CA5A: variants seen among roughly 807,000 people sequenced by gnomAD.
CA5A encodes the protein carbonic anhydrase 5A.
Under a neutral mutation model 37.1 loss-of-function variants are expected in CA5A, and 28 were observed. The observed-to-expected ratio is 0.75, with a 90% CI of 0.56 to 1.03. CA5A has a LOEUF of 1.03. CA5A is among the 50% of genes least tolerant of loss of function. The pLI is 0.00. For synonymous variants in CA5A, 171 were observed against 158.4 expected (o/e 1.08, Z -0.60); for missense variants, 444 against 399.9 (o/e 1.11, Z -0.94).
chr16:87,910,204 C>T (rs1286955710), intron 2 of CA5A, among the ~76,000 whole-genome samples: 4 of 152,208 alleles, frequency 2.6e-5, no homozygotes, highest in Non-Finnish European at 4.4e-5. Flanking sequence ...CCGGGCACCA[C>T]GCATCCTGTC....
chr16:87,901,405 A>T (rs535124708), intron 5 of CA5A, among the ~76,000 whole-genome samples: 1 of 152,286 alleles, frequency 6.6e-6, no homozygotes, highest in East Asian at 1.9e-4. Context: ...GTGGTGATGC[A>T]TTCGAAGTCA....
intron 2 of CA5A, among the ~76,000 whole-genome samples, chr16:87,910,819 G>C (rs185394667): frequency 4.3e-4 from 66 of 152,136 alleles, no homozygotes; most frequent in African/African-American, 1.3e-3. Context: ...GCCAGATCTT[G>C]GCTCACTGCA....
chr16:87,925,830 C>T (rs1243969374), intron 2 of CA5A, among the ~76,000 whole-genome samples: 1 of 152,116 alleles, frequency 6.6e-6, no homozygotes, highest in Non-Finnish European at 1.5e-5. Context: ...CCACCACCGT[C>T]TCCCACCTGC....
In CA5A at chr16:87,888,185, T is replaced by C; in HGVS notation, c.862A>G (p.Met288Val). Residue 288 changes from methionine to valine, a missense_variant, in exon 7 of 7, where the codon ATG becomes GTG. Met to Val is a conservative substitution (Grantham distance 21, BLOSUM62 1). Transcript: ENST00000649794. ...AAGGACGCCCAGACCTTCCGGTTCA[T>C]CAAGGGTTGAAGTGGGCGATAGTTG... ...VNNYRPLQPL[M>V]NRKVWASFQA... 6.2e-7 allele frequency: 1 copy of C among 1,613,932 alleles called. No homozygotes were observed. The highest frequency in any genetic ancestry group is 1.1e-5 in the South Asian group (1 of 91,068).
At chr16:87,891,525 G>A (rs1196176130) in intron 6 of CA5A, among the ~76,000 whole-genome samples, 3 of 152,016 alleles carry the variant, frequency 2.0e-5, no homozygotes, top group Non-Finnish European at 2.9e-5. Context: ...GCAGACCCAT[G>A]ACCCTGGGAC....
intron 6 of CA5A, among the ~76,000 whole-genome samples, chr16:87,889,507 C>G (rs1033800388): frequency 1.3e-5 from 2 of 152,060 alleles, no homozygotes; most frequent in African/African-American, 4.8e-5. Flanking sequence ...GATGTGGTGC[C>G]TCACGCCTGT....
At chr16:87,919,397 C>T (rs559256643) in intron 2 of CA5A, among the ~76,000 whole-genome samples, 14 of 152,320 alleles carry the variant, frequency 9.2e-5, no homozygotes, top group Non-Finnish European at 1.9e-4. Flanking sequence ...CAGCCAAAGC[C>T]GGGCCCCTGA....
In CA5A at chr16:87,926,423, C is replaced by T. The variant is rs566055745; in HGVS notation, c.340+325G>A. 3.3e-5 allele frequency among the ~76,000 whole-genome samples: 5 copies of T among 152,262 alleles called. No homozygotes were observed. In the East Asian group the frequency reaches 5.8e-4, roughly 18 times the overall value. ...TTCCTCTTCCGACGCGCAAAGTGTTCGCATTTCAATGAGCTTGTCTCTTCC... is the reference window on the plus strand; with the variant it reads ...TTCCTCTTCCGACGCGCAAAGTGTTTGCATTTCAATGAGCTTGTCTCTTCC... On this transcript the variant is annotated intron_variant, in intron 2 of 6. Coordinates refer to ENST00000649794, the MANE Select transcript of CA5A (RefSeq NM_001739.2).
At chr16:87,935,393 G>A (rs1307245693) in intron 1 of CA5A, among the ~76,000 whole-genome samples, 8 of 152,214 alleles carry the variant, frequency 5.3e-5, no homozygotes, top group African/African-American at 9.6e-5. Flanking sequence ...GCTTGAAAGC[G>A]TTCTCTGCCG....
chr16:87,885,615 C>T (rs559301154), downstream of CA5A: 2 of 153,144 alleles, frequency 1.3e-5, no homozygotes, highest in African/African-American at 4.8e-5. Flanking sequence ...TCCACCCAGC[C>T]TGTGGGGCCC....
intron 5 of CA5A, 75 bp from the exon 6 acceptor site, chr16:87,892,029 A>C: frequency 1.5e-6 from 2 of 1,356,804 alleles, no homozygotes; most frequent in Non-Finnish European, 2.0e-6. Context: ...TCAGCACGTG[A>C]GGCCTTCATG....
chr16:87,928,334 T>C (rs1414285869), intron 1 of CA5A, among the ~76,000 whole-genome samples: 1 of 152,114 alleles, frequency 6.6e-6, no homozygotes, highest in African/African-American at 2.4e-5. Flanking sequence ...TGGCTAACTT[T>C]TTCATTTTTT....
chr16:87,917,098 C>T (rs1445302869), intron 2 of CA5A, among the ~76,000 whole-genome samples: 1 of 123,870 alleles, frequency 8.1e-6, no homozygotes, highest in Non-Finnish European at 1.6e-5. Flanking sequence ...GAGCGAGAGT[C>T]TGTCTCAAAA....
intron 5 of CA5A, among the ~76,000 whole-genome samples, chr16:87,892,525 T>G (rs1367666401): frequency 1.0e-5 from 1 of 95,900 alleles, no homozygotes; most frequent in East Asian, 2.1e-4. Flanking sequence ...ATAATAATAA[T>G]AATAATAATA....
Position 87,936,489 on chromosome 16 carries a change from G to C in CA5A, c.-39C>G. The C allele has an allele frequency of 1.9e-6, 3 of 1,610,420 alleles. No individual in the cohort carries two copies. The highest frequency in any genetic ancestry group is 2.5e-6 in the Non-Finnish European group (3 of 1,178,754). Reference sequence around the variant, plus strand: ...CCACTGACTCCAGTCTGAAGAGGGTGATGTTCCCTGCTGTCTGTTCTCACT... The same window carrying C: ...CCACTGACTCCAGTCTGAAGAGGGTCATGTTCCCTGCTGTCTGTTCTCACT... On this transcript the variant is annotated 5_prime_UTR_variant, in exon 1 of 7. In the 5' UTR this introduces an upstream ATG that the reference lacks. Coordinates refer to ENST00000649794, the MANE Select transcript of CA5A (RefSeq NM_001739.2).
chr16:87,895,355 G>A lies in CA5A; in HGVS notation c.619-3401C>T, dbSNP rs527842479. Among the ~76,000 whole-genome samples the A allele has an allele frequency of 2.6e-5, 4 of 152,316 alleles. No homozygotes were observed. The South Asian group carries it at 8.3e-4, about 32-fold the overall frequency. On this transcript the variant is annotated intron_variant, in intron 5 of 6. Transcript: ENST00000649794. ...GAGGTCAGGAGTTCGAGACCAGCCTGACCAACATGGCGAAACCATGTCTCT... is the reference window on the plus strand; with the variant it reads ...GAGGTCAGGAGTTCGAGACCAGCCTAACCAACATGGCGAAACCATGTCTCT...
intron 1 of CA5A, among the ~76,000 whole-genome samples, chr16:87,935,052 C>T (rs1005325949): frequency 2.6e-5 from 4 of 152,194 alleles, no homozygotes; most frequent in Non-Finnish European, 5.9e-5. Context: ...GTCTGGCCAC[C>T]CCCATCTCGA....
intron 2 of CA5A, among the ~76,000 whole-genome samples, chr16:87,905,793 C>T (rs999275889): frequency 6.6e-6 from 1 of 152,252 alleles, no homozygotes; most frequent in Non-Finnish European, 1.5e-5. Context: ...ACCCTAAACA[C>T]TCACCTTGGA....
rs2055855626 is a variant in CA5A, at chr16:87,899,976, T to G, written c.618+1936A>C. Among the ~76,000 whole-genome samples, 4 of 136,808 alleles carry G rather than the reference T, an allele frequency of 2.9e-5. No homozygotes were observed. In the South Asian group the frequency reaches 9.8e-4, roughly 34 times the overall value. 89.8% of individuals were successfully genotyped at this position (136,808 alleles called of 152,430 possible). ...AAGAGTCTAACTCTTTATTTTCAGC[T>G]GAGGGGATGAGCCCAGAGATCAGCA... On this transcript the variant is annotated intron_variant, in intron 5 of 6. Transcript: ENST00000649794.
Sources: gnomAD v4.1 joint callset for allele counts (sites outside exome capture counted in the v4.1 genomes callset) on GRCh38, gnomAD v4.1.1 for gene constraint, MANE v1.5 for transcripts, NCBI Gene and HGNC (gene_info 2026-07-23, HGNC 2026-07-21) for gene names.